EFNA5: variants seen among roughly 807,000 people sequenced by gnomAD.
EFNA5 encodes the protein ephrin A5, also known as ephrin-A5.
EFNA5 carries 5 observed loss-of-function variants against 22.9 expected under a neutral mutation model. The observed-to-expected ratio is 0.22, with a 90% CI of 0.11 to 0.46. The LOEUF (loss-of-function observed/expected upper bound fraction) is 0.46, where lower values mean the gene tolerates loss of function less well. Among genes scored for constraint, EFNA5 ranks in the 20% least tolerant of loss-of-function variants. The probability of loss-of-function intolerance (pLI) is 0.99; values close to 1 mark genes in which losing one functional copy is unlikely to be tolerated. For synonymous variants in EFNA5, 113 were observed against 112.2 expected (o/e 1.01, Z -0.04); for missense variants, 237 against 293.3 (o/e 0.81, Z 1.40).
chr5:107,497,120 T>C (rs1561412954), intron 1 of EFNA5, among the ~76,000 whole-genome samples: 2 of 152,204 alleles, frequency 1.3e-5, no homozygotes, highest in Admixed American at 1.3e-4. Context: ...TAAGTTGCCA[T>C]GGTATCGCGA....
intron 1 of EFNA5, among the ~76,000 whole-genome samples, chr5:107,566,170 T>A (rs1748663374): frequency 6.6e-6 from 1 of 152,168 alleles, no homozygotes; most frequent in South Asian, 2.1e-4. Flanking sequence ...CTCTAAGTGA[T>A]GGCACGCAGG....
At chr5:107,484,752 A>C (rs1746547422) in intron 1 of EFNA5, among the ~76,000 whole-genome samples, 1 of 152,132 alleles carries the variant, frequency 6.6e-6, no homozygotes, top group Non-Finnish European at 1.5e-5. Flanking sequence ...ACCTAGGTAG[A>C]GCACAGGGAA....
chr5:107,387,173 A>C, intron 4 of EFNA5, 62 bp downstream of exon 4: 1 of 1,247,070 alleles, frequency 8.0e-7, no homozygotes, highest in Non-Finnish European at 1.1e-6. Flanking sequence ...GAAAGGAAAA[A>C]AATACGGAAG....
At chr5:107,467,722 GA>G (rs894238801) in intron 1 of EFNA5, among the ~76,000 whole-genome samples, 1 of 152,116 alleles carries the variant, frequency 6.6e-6, no homozygotes, top group African/African-American at 2.4e-5. Context: ...GAGTCAGCAG[GA>G]AAAGCCAGCT....
chr5:107,520,633 G>A lies in EFNA5; in HGVS notation c.126-93124C>T, dbSNP rs558089673. Among the ~76,000 whole-genome samples the A allele has an allele frequency of 1.1e-4, 17 of 152,284 alleles. No individual in the cohort carries two copies. In the South Asian group the frequency reaches 2.1e-3, roughly 19 times the overall value. On this transcript the variant is annotated intron_variant, in intron 1 of 4. Coordinates refer to ENST00000333274, the MANE Select transcript of EFNA5 (RefSeq NM_001962.3). The stretch of plus-strand genomic sequence containing the variant: ...ATTTAAAAACATAAATGTTTGTTAG[G>A]TTGAACCGAATAAGTCTGCCATCTT...
chr5:107,531,439 T>TA (rs965170897), intron 1 of EFNA5, among the ~76,000 whole-genome samples: 1 of 152,270 alleles, frequency 6.6e-6, no homozygotes, highest in African/African-American at 2.4e-5. Flanking sequence ...GAGGAATGCC[T>TA]AAAAAAACTG....
At chr5:107,666,180 A>T (rs1167372601) in intron 1 of EFNA5, among the ~76,000 whole-genome samples, 2 of 152,158 alleles carry the variant, frequency 1.3e-5, no homozygotes, top group Non-Finnish European at 2.9e-5. Context: ...AACCATGCTG[A>T]TTTCATTTAC....
intron 1 of EFNA5, among the ~76,000 whole-genome samples, chr5:107,630,961 C>CA (rs1367238021): frequency 6.6e-6 from 1 of 152,180 alleles, no homozygotes; most frequent in African/African-American, 2.4e-5. Context: ...TCCCCCTCCA[C>CA]ATCTTGTCCT....
chr5:107,397,168 A>G lies in EFNA5; in HGVS notation c.419-9397T>C, dbSNP rs556699227. Among the ~76,000 whole-genome samples the G allele has an allele frequency of 4.6e-5, 7 of 152,102 alleles. No individual in the cohort carries two copies. In the South Asian group the frequency reaches 1.5e-3, roughly 32 times the overall value. ...CTAGGGAGGCTGAGGTAGGAGGATC[A>G]CCTGAGCCCAGGACTGAGGCTGCAG... On this transcript the variant is annotated intron_variant, in intron 2 of 4. Transcript: ENST00000333274.
chr5:107,608,165 T>G (rs568552252), intron 1 of EFNA5, among the ~76,000 whole-genome samples: 9 of 152,274 alleles, frequency 5.9e-5, no homozygotes, highest in African/African-American at 2.2e-4. Context: ...ATGTGTAACT[T>G]CCCCTGAAGC....
At chr5:107,424,130 T>G (rs1392923128) in intron 2 of EFNA5, among the ~76,000 whole-genome samples, 1 of 151,992 alleles carries the variant, frequency 6.6e-6, no homozygotes, top group African/African-American at 2.4e-5. Flanking sequence ...TTCACTATAC[T>G]TAAGCCTACT....
intron 1 of EFNA5, among the ~76,000 whole-genome samples, chr5:107,436,031 T>G (rs548976183): frequency 6.6e-6 from 1 of 152,232 alleles, no homozygotes; most frequent in Non-Finnish European, 1.5e-5. Context: ...GCAAAACATT[T>G]AAAAATCCCA....
At chr5:107,447,268 TA>T (rs1749422687) in intron 1 of EFNA5, among the ~76,000 whole-genome samples, 1 of 152,180 alleles carries the variant, frequency 6.6e-6, no homozygotes, top group Admixed American at 6.5e-5. Context: ...TGCATTAGAC[TA>T]AATGATGTTT....
chr5:107,588,082 C>G (rs1194532781), intron 1 of EFNA5, among the ~76,000 whole-genome samples: 3 of 152,186 alleles, frequency 2.0e-5, no homozygotes, highest in Non-Finnish European at 4.4e-5. Context: ...CCCAATGACT[C>G]TCTCCCTTGG....
At chr5:107,638,257 A>G (rs1385911166) in intron 1 of EFNA5, among the ~76,000 whole-genome samples, 1 of 152,232 alleles carries the variant, frequency 6.6e-6, no homozygotes, top group African/African-American at 2.4e-5. Context: ...TATCAGAGAT[A>G]CAACACCGCG....
intron 1 of EFNA5, among the ~76,000 whole-genome samples, chr5:107,612,647 G>A (rs1338718311): frequency 6.6e-6 from 1 of 152,100 alleles, no homozygotes; most frequent in Non-Finnish European, 1.5e-5. Flanking sequence ...GGATATAGAA[G>A]CAAACAGAAG....
chr5:107,592,718 GT>G (rs1055564833), intron 1 of EFNA5, among the ~76,000 whole-genome samples: 5 of 152,160 alleles, frequency 3.3e-5, no homozygotes, highest in African/African-American at 1.2e-4. Flanking sequence ...CCTTTTCAAT[GT>G]GAGCGAATCG....
intron 1 of EFNA5, among the ~76,000 whole-genome samples, chr5:107,552,525 T>C (rs1273336764): frequency 6.6e-6 from 1 of 152,136 alleles, no homozygotes; most frequent in African/African-American, 2.4e-5. Flanking sequence ...GGCTCCAAAG[T>C]CTATGTTAAC....
Position 107,387,223 on chromosome 5 carries a change from A to G in EFNA5, c.565+12T>C, listed in dbSNP as rs1267111630. The G allele has an allele frequency of 1.3e-6, 2 of 1,580,220 alleles. No individual in the cohort carries two copies. Among genetic ancestry groups the G allele is most frequent in the Non-Finnish European group, 1.7e-6 (2 of 1,157,072 alleles). Reference sequence around the variant, plus strand: ...ATGCATTTGTTAAAAGAGATTCTCTAAGCATACTAACCTGCTGGTTCTAAT... The same window carrying G: ...ATGCATTTGTTAAAAGAGATTCTCTGAGCATACTAACCTGCTGGTTCTAAT... On this transcript the variant is annotated intron_variant, in intron 4 of 4. Transcript: ENST00000333274.
Sources: gnomAD v4.1 joint callset for allele counts (sites outside exome capture counted in the v4.1 genomes callset) on GRCh38, gnomAD v4.1.1 for gene constraint, MANE v1.5 for transcripts, NCBI Gene and HGNC (gene_info 2026-07-23, HGNC 2026-07-21) for gene names.